Variants in EP400 observed in about 807,000 individuals in gnomAD.
EP400 encodes E1A-binding protein p400.
A neutral mutation model predicts 354.1 loss-of-function variants in EP400; 105 were observed. That is an observed-to-expected ratio of 0.30 (90% CI 0.25 to 0.35). The LOEUF (loss-of-function observed/expected upper bound fraction) is 0.35. EP400 is among the 10% of genes least tolerant of loss of function. The pLI, the probability that EP400 is intolerant of heterozygous loss-of-function variation, is 1.00. For missense variants in EP400, 3,280 were observed against 4,121.0 expected (o/e 0.80, Z 5.59); for synonymous variants, 1,646 against 1,716.9 (o/e 0.96, Z 1.02).
At chr12:132,022,930 CCTGT>C (rs1351677997) in intron 23 of EP400, among the ~76,000 whole-genome samples, 1 of 151,816 alleles carries the variant, frequency 6.6e-6, no homozygotes, top group Non-Finnish European at 1.5e-5. Context: ...ACAGCCAGAC[CCTGT>C]CTCTCACAAA....
At chr12:131,988,008 T>C (rs112282759) in intron 7 of EP400, 118 bp downstream of exon 7, 12,883 of 728,356 alleles carry the variant, frequency 0.018, 59 homozygotes, top group African/African-American at 0.053. Context: ...TTTTTTTTTT[T>C]CCCCCAGACA....
At chr12:131,983,606 C>T (rs1892754485) in intron 5 of EP400, among the ~76,000 whole-genome samples, 3 of 152,228 alleles carry the variant, frequency 2.0e-5, no homozygotes, top group Admixed American at 2.0e-4. Context: ...GAGCCCACTG[C>T]AGAGAGTCTT....
chr12:132,059,071 A>G (rs1304674541), intron 45 of EP400, among the ~76,000 whole-genome samples: 1 of 121,032 alleles, frequency 8.3e-6, no homozygotes, highest in Non-Finnish European at 1.7e-5. Context: ...GACAAGAATA[A>G]TTAATTATCA....
rs1893962974 is a variant in EP400 at position 132,017,005 on chromosome 12, T to A, written c.3924-530T>A. Among the ~76,000 whole-genome samples the A allele has an allele frequency of 6.6e-6, 1 of 152,204 alleles. No homozygotes were observed. Among genetic ancestry groups the A allele is most frequent in the African/African-American group, 2.4e-5 (1 of 41,464 alleles). On this transcript the variant is annotated intron_variant, in intron 19 of 52. Transcript: ENST00000389561. This position sits in a 1 kb window ranked among gnomAD's most constrained non-coding sequence, Gnocchi z 5.0. ...CACTGTGCTCACACCAGAGAGCTACTCCCCACCATGGTCCCATTTCCTGCC... is the reference window on the plus strand; with the variant it reads ...CACTGTGCTCACACCAGAGAGCTACACCCCACCATGGTCCCATTTCCTGCC...
chr12:131,998,298 CAA>C (rs1214208361), intron 12 of EP400, among the ~76,000 whole-genome samples: 1 of 152,176 alleles, frequency 6.6e-6, no homozygotes, highest in Non-Finnish European at 1.5e-5. Flanking sequence ...ATCAGCTCAT[CAA>C]GTTTCACAGA....
Position 132,055,085 on chromosome 12 carries a change from G to A in EP400, c.7775-14G>A, listed in dbSNP as rs372644122. The A allele has an allele frequency of 1.3e-5, 21 of 1,613,622 alleles. No individual in the cohort carries two copies. The highest frequency in any genetic ancestry group is 4.4e-5 in the South Asian group (4 of 91,064). On this transcript the variant is annotated splice_polypyrimidine_tract_variant and intron_variant, in intron 44 of 52. Coordinates refer to ENST00000389561, the MANE Select transcript of EP400 (RefSeq NM_015409.5). ...CTCCTGGCGCTGTTGCCTTATGCCCGCCTGTCTCCGCAGGTGCCGTGAGTG... is the reference window on the plus strand; with the variant it reads ...CTCCTGGCGCTGTTGCCTTATGCCCACCTGTCTCCGCAGGTGCCGTGAGTG...
At chr12:132,021,607 G>A (rs1038970393) in intron 23 of EP400, among the ~76,000 whole-genome samples, 3 of 152,186 alleles carry the variant, frequency 2.0e-5, no homozygotes, top group Admixed American at 6.5e-5. Context: ...TGCTGTGGAC[G>A]GCACTTCCCA....
intron 2 of EP400, among the ~76,000 whole-genome samples, chr12:131,968,613 T>G (rs1471117374): frequency 6.6e-6 from 1 of 152,222 alleles, no homozygotes; most frequent in Admixed American, 6.5e-5. Context: ...CAAAACATCT[T>G]GCTGGGATTT....
chr12:132,076,841 C>T (rs568635555), intron 52 of EP400, among the ~76,000 whole-genome samples: 25 of 152,358 alleles, frequency 1.6e-4, no homozygotes, highest in Admixed American at 1.1e-3. Flanking sequence ...CTGATCATCG[C>T]GGGTGTGTCC....
intron 45 of EP400, among the ~76,000 whole-genome samples, chr12:132,059,049 C>G (rs1895606025): frequency 6.6e-6 from 1 of 151,054 alleles, no homozygotes; most frequent in African/African-American, 2.5e-5. Flanking sequence ...ATTTTTAAAG[C>G]TTCAAGGAAT....
At chr12:131,968,229 T>C (rs1316599229) in intron 2 of EP400, among the ~76,000 whole-genome samples, 4 of 152,366 alleles carry the variant, frequency 2.6e-5, no homozygotes, top group Non-Finnish European at 5.9e-5. Flanking sequence ...TTTATAGTTT[T>C]ACTTTTAGAT....
At position 132,062,646 on chromosome 12, in the gene EP400, T is replaced by C; in HGVS notation, c.8279T>C (p.Ile2760Thr). 1 of 1,613,698 alleles carries C rather than the reference T, an allele frequency of 6.2e-7. No homozygotes were observed. Among genetic ancestry groups the C allele is most frequent in the Non-Finnish European group, 8.5e-7 (1 of 1,179,878 alleles). Residue 2760 changes from isoleucine (I) to threonine (T), a missense_variant, in exon 47 of 53, where the codon ATC (isoleucine) becomes ACC (threonine). By Grantham distance (89) the Ile-to-Thr change is moderately conservative (BLOSUM62 -1). This residue lies in a region of EP400 where 47 missense variants were observed against 55.6 expected (regional missense o/e 0.85). Coordinates refer to ENST00000389561, the MANE Select transcript of EP400 (RefSeq NM_015409.5). ...TTTSQVQVPQ[I>T]QGQAQSPAQI... ...ACCTCTCAGGTGCAAGTTCCACAGATCCAGGGCCAGGCCCAGTCCCCAGCA... is the reference window on the plus strand; with the variant it reads ...ACCTCTCAGGTGCAAGTTCCACAGACCCAGGGCCAGGCCCAGTCCCCAGCA...
At chr12:132,011,389 TCATGTGACA>T in intron 15 of EP400, 100 bp from the exon 16 acceptor site, 5 of 1,368,192 alleles carry the variant, frequency 3.7e-6, no homozygotes, top group Non-Finnish European at 5.0e-6. Context: ...GTGCGATGGC[TCATGTGACA>T]CATACTCATA....
At chr12:131,958,378 C>T (rs1387979945) in intron 1 of EP400, among the ~76,000 whole-genome samples, 3 of 152,174 alleles carry the variant, frequency 2.0e-5, no homozygotes, top group Non-Finnish European at 2.9e-5. Context: ...TCTTCTGACT[C>T]CATCTTCAGA....
chr12:131,956,094 T>A (rs1891689845), intron 1 of EP400, among the ~76,000 whole-genome samples: 1 of 152,182 alleles, frequency 6.6e-6, no homozygotes, highest in Non-Finnish European at 1.5e-5. Context: ...TCTGTTCTAG[T>A]CTCTGTCCCC....
At chr12:131,973,364 A>C (rs931034100) in intron 2 of EP400, among the ~76,000 whole-genome samples, 1 of 152,214 alleles carries the variant, frequency 6.6e-6, no homozygotes, top group Non-Finnish European at 1.5e-5. Context: ...TGGCTTTGCA[A>C]GCCCTGTTAA....
chr12:132,052,996 TGCA>T lies in EP400; in HGVS notation c.7395-148_7395-146del. 1.3e-6 allele frequency: 1 copy of T among 764,074 alleles called. No individual in the cohort carries two copies. Among genetic ancestry groups the T allele is most frequent in the South Asian group, 1.6e-5 (1 of 62,360 alleles). The allele number at this position is 764,074 out of a possible 1,614,324, so 47.3% of individuals were successfully genotyped here. A position where few individuals can be genotyped will look rare whatever the true frequency, so the allele number is the denominator to read the frequency against. On this transcript the variant is annotated intron_variant, in intron 41 of 52. Transcript: ENST00000389561. This position sits in a 1 kb window ranked among gnomAD's most constrained non-coding sequence, Gnocchi z 4.4. ...ATGAGGTCTAGGTGGCTCGATCTCCTGCAGGGCACATTGGGCACCTTGCTTTAC... is the reference window on the plus strand; with the variant it reads ...ATGAGGTCTAGGTGGCTCGATCTCCTGGGCACATTGGGCACCTTGCTTTAC...
At chr12:131,996,547 T>C (rs1351142058) in intron 12 of EP400, among the ~76,000 whole-genome samples, 2 of 152,110 alleles carry the variant, frequency 1.3e-5, no homozygotes, top group Non-Finnish European at 2.9e-5. Context: ...CGCCTCAGCC[T>C]CCCGAAGTGC....
At chr12:132,012,103 G>C (rs1334715513) in intron 16 of EP400, among the ~76,000 whole-genome samples, 1 of 152,196 alleles carries the variant, frequency 6.6e-6, no homozygotes, top group South Asian at 2.1e-4. Flanking sequence ...ATAGTTTCTA[G>C]TACTAGGTCA....
Sources: gnomAD v4.1 joint callset for allele counts (sites outside exome capture counted in the v4.1 genomes callset) on GRCh38, gnomAD v4.1.1 for gene constraint, gnomAD v4.1.1 regional missense constraint, Gnocchi (gnomAD v3.1) non-coding constraint, MANE v1.5 for transcripts, NCBI Gene and HGNC (gene_info 2026-07-23, HGNC 2026-07-21) for gene names.